ATL1: variants seen among roughly 807,000 people sequenced by gnomAD.
ATL1 encodes the protein atlastin-1.
ATL1 carries 31 observed loss-of-function variants against 75.5 expected under a neutral mutation model. The ratio of observed to expected loss-of-function variants is 0.41; its 90% CI spans 0.31 to 0.55. The LOEUF (loss-of-function observed/expected upper bound fraction) is 0.55. ATL1 is among the 20% of genes least tolerant of loss of function. The pLI is 0.27. For synonymous variants in ATL1, 226 were observed against 233.3 expected (o/e 0.97, Z 0.28); for missense variants, 405 against 662.6 (o/e 0.61, Z 4.27).
At chr14:50,569,452 A>T (rs2038935376) in intron 1 of ATL1, among the ~76,000 whole-genome samples, 1 of 152,106 alleles carries the variant, frequency 6.6e-6, no homozygotes. Flanking sequence ...TTCTTAAATT[A>T]TATAGAAAAC....
intron 1 of ATL1, among the ~76,000 whole-genome samples, chr14:50,581,066 G>GT (rs368760630): frequency 2.0e-5 from 3 of 151,424 alleles, no homozygotes; most frequent in Non-Finnish European, 3.0e-5. Flanking sequence ...TAATTTGTGG[G>GT]TTTTTTCTCT....
chr14:50,618,875 G>GTT (rs1280211244), intron 8 of ATL1, among the ~76,000 whole-genome samples: 3 of 142,410 alleles, frequency 2.1e-5, no homozygotes, highest in Non-Finnish European at 4.5e-5. Context: ...GTGTGTGTGT[G>GTT]TGTATATATA....
In ATL1 at chr14:50,609,479, G is replaced by GA. The variant is rs143828061; in HGVS notation, c.631-3774dup. 5.9e-3 allele frequency among the ~76,000 whole-genome samples: 892 copies of GA among 151,992 alleles called. 8 individuals carry two copies. Among genetic ancestry groups the GA allele is most frequent in the African/African-American group, 0.02 (834 of 41,484 alleles). On this transcript the variant is annotated intron_variant, in intron 6 of 13. Transcript: ENST00000358385. ...GCTGTTGTGTATGTATTAGAGCATTGAAAAAATGAGTAATTATGGGATATC... is the reference window on the plus strand; with the variant it reads ...GCTGTTGTGTATGTATTAGAGCATTGAAAAAAATGAGTAATTATGGGATATC...
chr14:50,605,080 G>C (rs1277397157), intron 6 of ATL1, among the ~76,000 whole-genome samples: 1 of 151,966 alleles, frequency 6.6e-6, no homozygotes, highest in African/African-American at 2.4e-5. Flanking sequence ...AAAAAAGAAA[G>C]ATTTATGATA....
rs546857889 is a variant in ATL1, at chr14:50,551,288, A to G, written c.-139-8839A>G. 4.6e-5 allele frequency among the ~76,000 whole-genome samples: 7 copies of G among 152,274 alleles called. No individual in the cohort carries two copies. The East Asian group carries it at 1.4e-3, about 29-fold the overall frequency. On this transcript the variant is annotated intron_variant, in intron 1 of 13. Transcript: ENST00000441560. Reference sequence around the variant, plus strand: ...ACTAGAAAGTCTAAAGGAGATGGATAAATTCCTGGAAATGTACAACCCTCC... The same window carrying G: ...ACTAGAAAGTCTAAAGGAGATGGATGAATTCCTGGAAATGTACAACCCTCC...
intron 13 of ATL1, 67 bp downstream of exon 13, chr14:50,630,076 G>T (rs1488879574): frequency 1.4e-5 from 17 of 1,225,548 alleles, no homozygotes; most frequent in South Asian, 2.8e-5. Context: ...TTTATAAACT[G>T]ACTAAGCCAT....
intron 8 of ATL1, among the ~76,000 whole-genome samples, chr14:50,615,442 AAAGCAAATGAATT>A (rs1355391550): frequency 1.3e-5 from 2 of 152,334 alleles, no homozygotes; most frequent in African/African-American, 4.8e-5. Context: ...GCAGATTTGA[AAAGCAAATGAATT>A]ATTTTTGTCC....
Position 50,587,198 on chromosome 14 carries a change from A to G in ATL1, c.35-633A>G, listed in dbSNP as rs548815735. Among the ~76,000 whole-genome samples, 15 of 151,964 alleles carry G rather than the reference A, an allele frequency of 9.9e-5. No individual in the cohort carries two copies. In the South Asian group the frequency reaches 2.5e-3, roughly 25 times the overall value. ...GATAAAGAAAGTGTGAACTACAACC[A>G]TTTTATTCCTCTGCTCCAAAAGTAG... is the stretch of plus-strand genomic sequence containing the variant. On this transcript the variant is annotated intron_variant, in intron 1 of 13. Coordinates refer to ENST00000358385, the MANE Select transcript of ATL1 (RefSeq NM_015915.5).
chr14:50,596,046 A>G (rs986785329), intron 6 of ATL1, among the ~76,000 whole-genome samples: 4 of 152,238 alleles, frequency 2.6e-5, no homozygotes, highest in African/African-American at 9.6e-5. Context: ...AAAAGGATGG[A>G]AAAAGATAGA....
At chr14:50,559,414 T>C (rs1158654667), upstream of ATL1, 1 of 152,206 alleles carries the variant, frequency 6.6e-6, no homozygotes, top group Admixed American at 6.5e-5. Flanking sequence ...AAGGGAAAGA[T>C]TGAAAGTATT....
intron 4 of ATL1, 97 bp from the exon 5 acceptor site, chr14:50,593,749 T>C (rs2039185968): frequency 2.5e-6 from 2 of 784,942 alleles, no homozygotes; most frequent in Non-Finnish European, 4.5e-6. Flanking sequence ...AGAGTCCATT[T>C]TGTGGTAACT....
chr14:50,600,756 C>A (rs180849292), intron 6 of ATL1, among the ~76,000 whole-genome samples: 140 of 151,726 alleles, frequency 9.2e-4, no homozygotes, highest in Admixed American at 6.0e-3. Context: ...TTAAACATTG[C>A]CTGAGAAAGT....
chr14:50,552,964 G>T (rs1191405800), intron 1 of ATL1, among the ~76,000 whole-genome samples: 1 of 152,100 alleles, frequency 6.6e-6, no homozygotes, highest in Non-Finnish European at 1.5e-5. Flanking sequence ...AAGAATTCAT[G>T]ACTAAGAATC....
At position 50,560,194 on chromosome 14, in the gene ATL1, A is replaced by AGTTG; in HGVS notation, c.-71_-70insTTGG. On this transcript the variant is annotated 5_prime_UTR_variant, in exon 1 of 14. Coordinates refer to ENST00000358385, the MANE Select transcript of ATL1 (RefSeq NM_015915.5). ...CGCGGGCACGGAGCCTCCCACCGCC[A>AGTTG]GCAACCTGCGGCCCCGGAGAAGGCA... The AGTTG allele has an allele frequency of 6.3e-7, 1 of 1,591,284 alleles. No homozygotes were observed.
intron 2 of ATL1, among the ~76,000 whole-genome samples, 158 bp from the exon 3 acceptor site, chr14:50,590,783 A>AT (rs1311867091): frequency 6.6e-6 from 1 of 152,054 alleles, no homozygotes; most frequent in Non-Finnish European, 1.5e-5. Flanking sequence ...CTCTGTAATT[A>AT]TTTTTTGGAT....
At chr14:50,560,325 A>G (rs931926058) in intron 1 of ATL1, 26 bp downstream of exon 1, 2 of 1,612,806 alleles carry the variant, frequency 1.2e-6, no homozygotes, top group African/African-American at 2.7e-5. Flanking sequence ...GAACTTCTGC[A>G]GCCTGCACGG....
At chr14:50,598,062 C>A (rs1234194899) in intron 6 of ATL1, among the ~76,000 whole-genome samples, 1 of 152,088 alleles carries the variant, frequency 6.6e-6, no homozygotes, top group Non-Finnish European at 1.5e-5. Flanking sequence ...ATACCATTCA[C>A]AATAGCAAAA....
chr14:50,561,095 G>A (rs905583549), intron 1 of ATL1: 3 of 152,484 alleles, frequency 2.0e-5, no homozygotes, highest in Admixed American at 1.3e-4. Flanking sequence ...GGGGAAAGGA[G>A]AGGCGAGACC....
At chr14:50,585,404 G>A (rs759911519) in intron 1 of ATL1, among the ~76,000 whole-genome samples, 8 of 152,102 alleles carry the variant, frequency 5.3e-5, no homozygotes, top group Non-Finnish European at 8.8e-5. Flanking sequence ...ATTATGTCTA[G>A]CTTGGGTCTG....
Sources: allele counts gnomAD v4.1 joint callset (sites outside exome capture counted in the v4.1 genomes callset), GRCh38; gene constraint gnomAD v4.1.1; transcripts MANE v1.5; gene names NCBI Gene and HGNC (gene_info 2026-07-23, HGNC 2026-07-21).